The following ERP44 variants were observed in gnomAD, a reference collection of about 807,000 sequenced individuals.
ERP44 encodes endoplasmic reticulum resident protein 44.
A neutral mutation model predicts 53.4 loss-of-function variants in ERP44; 25 were observed. That is an observed-to-expected ratio of 0.47 (90% CI 0.34 to 0.65). ERP44 has a LOEUF of 0.65. Ranked by LOEUF, ERP44 falls within the 30% of genes least tolerant of loss-of-function variation. The probability of loss-of-function intolerance (pLI) is 0.01; values close to 1 mark genes in which losing one functional copy is unlikely to be tolerated. For missense variants in ERP44, 338 were observed against 493.2 expected (o/e 0.69, Z 2.98); for synonymous variants, 145 against 161.2 (o/e 0.90, Z 0.76).
chr9:100,064,375 T>G (rs979641533), intron 1 of ERP44, among the ~76,000 whole-genome samples: 1 of 152,184 alleles, frequency 6.6e-6, no homozygotes, highest in Non-Finnish European at 1.5e-5. Flanking sequence ...ATATGAGAAG[T>G]AGGAGGAAAA....
At chr9:100,031,434 T>C (rs1266104744) in intron 4 of ERP44, among the ~76,000 whole-genome samples, 5 of 152,240 alleles carry the variant, frequency 3.3e-5, no homozygotes, top group Admixed American at 6.5e-5. Context: ...TGTAGCTTAG[T>C]AGCTAAGGCT....
At chr9:100,011,922 T>G (rs2118639837) in intron 8 of ERP44, among the ~76,000 whole-genome samples, 1 of 152,324 alleles carries the variant, frequency 6.6e-6, no homozygotes, top group South Asian at 2.1e-4. Context: ...TTTGCATTAT[T>G]CTTACCGCTG....
chr9:100,097,605 A>G (rs1366705707), intron 1 of ERP44, among the ~76,000 whole-genome samples: 2 of 152,260 alleles, frequency 1.3e-5, no homozygotes, highest in African/African-American at 4.8e-5. Context: ...ACACTCTATC[A>G]TTTAATATTA....
intron 4 of ERP44, among the ~76,000 whole-genome samples, chr9:100,043,481 G>A (rs1825936066): frequency 2.0e-5 from 3 of 151,928 alleles, no homozygotes; most frequent in East Asian, 1.9e-4. Flanking sequence ...TTGGCCTGGC[G>A]CAGTGGCTCA....
In ERP44 at chr9:100,098,872, G is replaced by A. The variant is rs1826702662; in HGVS notation, c.-32C>T. 4 of 1,600,390 alleles carry A rather than the reference G, an allele frequency of 2.5e-6. No individual in the cohort carries two copies. Among genetic ancestry groups the A allele is most frequent in the Non-Finnish European group, 3.4e-6 (4 of 1,168,424 alleles). On this transcript the variant is annotated 5_prime_UTR_variant, in exon 1 of 12. Coordinates refer to ENST00000262455, the MANE Select transcript of ERP44 (RefSeq NM_015051.3). ...GCTGGGGTCCGTGACAGGGACAGGC[G>A]CTGGCGGCTGGGACTGGGCTAGGTT... is the stretch of plus-strand genomic sequence containing the variant.
intron 4 of ERP44, among the ~76,000 whole-genome samples, chr9:100,027,965 A>G (rs1051444848): frequency 1.3e-5 from 2 of 152,170 alleles, no homozygotes; most frequent in African/African-American, 4.8e-5. Flanking sequence ...CTCAACAGAA[A>G]ACTAATAAGC....
At chr9:99,996,280 T>C (rs1487788834) in intron 10 of ERP44, among the ~76,000 whole-genome samples, 1 of 152,164 alleles carries the variant, frequency 6.6e-6, no homozygotes. Flanking sequence ...AATTAGATCC[T>C]GTGAGAGTGA....
intron 3 of ERP44, among the ~76,000 whole-genome samples, chr9:100,057,279 G>GCAGGCACA (rs1826096002): frequency 6.6e-6 from 1 of 152,134 alleles, no homozygotes; most frequent in Non-Finnish European, 1.5e-5. Context: ...TATATACCAT[G>GCAGGCACA]TTGTTCTAGA....
At chr9:100,098,212 G>C (rs1350459215) in intron 1 of ERP44, among the ~76,000 whole-genome samples, 1 of 152,172 alleles carries the variant, frequency 6.6e-6, no homozygotes, top group Admixed American at 6.5e-5. Context: ...GGGAGGCCTT[G>C]AGCTGAGATT....
chr9:100,002,850 T>G (rs1406868676), intron 10 of ERP44, among the ~76,000 whole-genome samples: 1 of 152,226 alleles, frequency 6.6e-6, no homozygotes, highest in Non-Finnish European at 1.5e-5. Context: ...CCTAGATACT[T>G]ATACCTTTCC....
intron 2 of ERP44, among the ~76,000 whole-genome samples, chr9:100,059,794 G>A (rs935820124): frequency 3.9e-5 from 6 of 152,266 alleles, no homozygotes; most frequent in African/African-American, 1.4e-4. Context: ...AGAAAAAAAA[G>A]TCTAGGCTGT....
intron 1 of ERP44, among the ~76,000 whole-genome samples, chr9:100,097,857 A>G (rs1826663651): frequency 6.6e-6 from 1 of 152,246 alleles, no homozygotes; most frequent in Admixed American, 6.5e-5. Flanking sequence ...ATCGTTTCTT[A>G]AATTGTAAAG....
At chr9:100,055,955 C>G (rs1826083330) in intron 3 of ERP44, among the ~76,000 whole-genome samples, 1 of 152,162 alleles carries the variant, frequency 6.6e-6, no homozygotes, top group Non-Finnish European at 1.5e-5. Context: ...CAGCCAATTA[C>G]CCAAGCTTTT....
rs138284399 is a variant in ERP44 at position 100,002,684 on chromosome 9, G to T, written c.1016+3822C>A. ...ATTTGCTCTTCTCTTGCTGCTTTCA[G>T]AATCTTCTCTTGCTGCTTTCATAAT... On this transcript the variant is annotated intron_variant, in intron 10 of 11. Coordinates refer to ENST00000262455, the MANE Select transcript of ERP44 (RefSeq NM_015051.3). Among the ~76,000 whole-genome samples the T allele has an allele frequency of 5.5e-3, 831 of 151,856 alleles. 2 individuals carry two copies. The highest frequency in any genetic ancestry group is 0.013 in the Admixed American group (194 of 15,258).
rs182461390 is a variant in ERP44, at chr9:100,040,537, C to A, written c.286+11880G>T. ...ATCTCAACTTAATGAAGACAATGTACAATAGACCCACAGCTAGTATCATAC... is the reference window on the plus strand; with the variant it reads ...ATCTCAACTTAATGAAGACAATGTAAAATAGACCCACAGCTAGTATCATAC... On this transcript the variant is annotated intron_variant, in intron 4 of 11. Coordinates refer to ENST00000262455, the MANE Select transcript of ERP44 (RefSeq NM_015051.3). Among the ~76,000 whole-genome samples the A allele has an allele frequency of 3.4e-4, 51 of 152,192 alleles. No individual in the cohort carries two copies. In the Middle Eastern group the frequency reaches 0.01, roughly 30 times the overall value.
At chr9:100,041,399 G>T (rs1030518624) in intron 4 of ERP44, among the ~76,000 whole-genome samples, 1 of 152,162 alleles carries the variant, frequency 6.6e-6, no homozygotes, top group African/African-American at 2.4e-5. Context: ...GCCAGGCGCA[G>T]TGGCTCACGC....
Position 100,006,662 on chromosome 9 carries a change from A to C in ERP44, c.875-15T>G. On this transcript the variant is annotated splice_polypyrimidine_tract_variant and intron_variant, in intron 9 of 11. Coordinates refer to ENST00000262455, the MANE Select transcript of ERP44 (RefSeq NM_015051.3). The stretch of plus-strand genomic sequence containing the variant: ...GTTTATTGTACCTTTAAGAAAAAAG[A>C]ATTTTGAGAGGTAAATTCAAATTTT... 6.5e-7 allele frequency: 1 copy of C among 1,536,448 alleles called. No homozygotes were observed. The highest frequency in any genetic ancestry group is 8.8e-7 in the Non-Finnish European group (1 of 1,137,568).
intron 10 of ERP44, among the ~76,000 whole-genome samples, chr9:100,004,412 G>A (rs1830407288): frequency 6.6e-6 from 1 of 152,194 alleles, no homozygotes; most frequent in South Asian, 2.1e-4. Context: ...AGTCTGCTGG[G>A]CAGGCCTCGG....
intron 1 of ERP44, among the ~76,000 whole-genome samples, chr9:100,064,051 T>C (rs1043668222): frequency 6.6e-6 from 1 of 152,244 alleles, no homozygotes; most frequent in Non-Finnish European, 1.5e-5. Context: ...TTCCATTAGA[T>C]GGTTATTAAA....
Sources: allele counts gnomAD v4.1 joint callset (sites outside exome capture counted in the v4.1 genomes callset), GRCh38; gene constraint gnomAD v4.1.1; transcripts MANE v1.5; gene names NCBI Gene and HGNC (gene_info 2026-07-23, HGNC 2026-07-21).